The following PCDHA2 variants were observed in gnomAD, a reference collection of about 807,000 sequenced individuals.
The protein encoded by PCDHA2 is protocadherin alpha 2.
Under a neutral mutation model 66.0 loss-of-function variants are expected in PCDHA2, and 58 were observed. The observed-to-expected ratio is 0.88, with a 90% confidence interval of 0.71 to 1.09. The LOEUF (loss-of-function observed/expected upper bound fraction) is 1.09, where lower values mean the gene tolerates loss of function less well. PCDHA2 is among the 50% of genes least tolerant of loss of function. The pLI is 0.00. For synonymous variants in PCDHA2, 634 were observed against 554.0 expected, an observed-to-expected ratio of 1.14 and a Z score of -2.03; for missense variants, 1,267 against 1,242.3, an observed-to-expected ratio of 1.02 and a Z score of -0.30.
At chr5:140,808,156 T>C in intron 1 of PCDHA2, 1 of 1,614,210 alleles carries the variant, frequency 6.2e-7, no homozygotes, top group South Asian at 1.1e-5. Flanking sequence ...TAGAGGGCAT[T>C]GATAAGGGAC....
At chr5:140,883,705 T>G (rs251380) in intron 1 of PCDHA2, 1,065,865 of 1,613,504 alleles carry the variant, frequency 0.66, 353,266 homozygotes, top group Middle Eastern at 0.71. Flanking sequence ...CGGTGTCTGC[T>G]CAGGACGCGG....
intron 1 of PCDHA2, chr5:140,829,839 G>T (rs2150175882): frequency 3.1e-6 from 5 of 1,613,930 alleles, no homozygotes; most frequent in Non-Finnish European, 4.2e-6. Context: ...CTGGTGCCGC[G>T]GTCACTGGGT....
rs782330832 is a variant in PCDHA2, at chr5:140,801,185, G to A, written c.2388+3833G>A. On this transcript the variant is annotated intron_variant, in intron 1 of 3. Coordinates refer to ENST00000526136, the MANE Select transcript of PCDHA2 (RefSeq NM_018905.3). ...CAATGTAAAGGCAATCTAATATTTG[G>A]AAAATACTTGCAATGTTGTTCTCCT... 59 of 1,575,978 alleles carry A rather than the reference G, an allele frequency of 3.7e-5. No homozygotes were observed. The Admixed American group carries it at 8.7e-4, about 23-fold the overall frequency.
chr5:140,916,582 A>G (rs1191941149), intron 1 of PCDHA2, among the ~76,000 whole-genome samples: 7 of 152,188 alleles, frequency 4.6e-5, no homozygotes, highest in Non-Finnish European at 1.0e-4. Flanking sequence ...AATGTCATCC[A>G]TGAGCTAGGG....
rs782729225 is a variant in PCDHA2 at position 140,808,755 on chromosome 5, T to C, written c.2388+11403T>C. On this transcript the variant is annotated intron_variant, in intron 1 of 3. Transcript: ENST00000526136. ...GGCAAGGTGTACGCGCTGCAGCCGC[T>C]GGACCACGAGGAGCTAGAGCTGCTG... is the stretch of plus-strand genomic sequence containing the variant. 113 of 1,612,122 alleles carry C rather than the reference T, an allele frequency of 7.0e-5. 1 individual carries two copies. The South Asian group carries it at 1.0e-3, about 14-fold the overall frequency.
At chr5:140,877,156 G>C (rs1471783281) in intron 1 of PCDHA2, 1 of 1,613,810 alleles carries the variant, frequency 6.2e-7, no homozygotes, top group Non-Finnish European at 8.5e-7. Flanking sequence ...GAACGACAAC[G>C]CGCCGGCACT....
At chr5:140,896,114 G>A (rs1165904850) in intron 1 of PCDHA2, among the ~76,000 whole-genome samples, 1 of 152,030 alleles carries the variant, frequency 6.6e-6, no homozygotes, top group Non-Finnish European at 1.5e-5. Context: ...CCTGGCCAAT[G>A]TACTGCATTT....
In PCDHA2 at chr5:140,809,060, G is replaced by A. The variant is rs782422711; in HGVS notation, c.2388+11708G>A. Reference sequence around the variant, plus strand: ...TGGCGCGCGCATCCCGTTCCGCGTGGGGCTGTACACTGGCGAGATCAGCAC... The same window carrying A: ...TGGCGCGCGCATCCCGTTCCGCGTGAGGCTGTACACTGGCGAGATCAGCAC... On this transcript the variant is annotated intron_variant, in intron 1 of 3. Coordinates refer to ENST00000526136, the MANE Select transcript of PCDHA2 (RefSeq NM_018905.3). The A allele has an allele frequency of 2.5e-6, 4 of 1,613,928 alleles. No homozygotes were observed. In the Admixed American group the frequency reaches 5.0e-5, roughly 20 times the overall value.
intron 1 of PCDHA2, chr5:140,928,062 C>G: frequency 6.2e-7 from 1 of 1,614,194 alleles, no homozygotes; most frequent in Non-Finnish European, 8.5e-7. Context: ...TGACGGCTTC[C>G]TTTGACAACT....
intron 1 of PCDHA2, among the ~76,000 whole-genome samples, chr5:140,935,636 G>A (rs1554210607): frequency 6.6e-6 from 1 of 152,052 alleles, no homozygotes; most frequent in African/African-American, 2.4e-5. Context: ...TTTAGGGCTT[G>A]CTTTTTAAAT....
rs139717033 is a variant in PCDHA2 at position 140,850,329 on chromosome 5, C to A, written c.2388+52977C>A. ...CAACGCGTGGCTTTCATACGAGCTG[C>A]AGCCAGAAACGGCCAGCGCGAGCAT... On this transcript the variant is annotated intron_variant, in intron 1 of 3. Coordinates refer to ENST00000526136, the MANE Select transcript of PCDHA2 (RefSeq NM_018905.3). 510 of 1,597,650 alleles carry A rather than the reference C, an allele frequency of 3.2e-4. 26 individuals are homozygous for A. The African/African-American group carries it at 6.2e-3, about 19-fold the overall frequency.
intron 1 of PCDHA2, among the ~76,000 whole-genome samples, chr5:140,933,853 A>G (rs192647657): frequency 6.6e-6 from 1 of 151,684 alleles, no homozygotes; most frequent in Non-Finnish European, 1.5e-5. Flanking sequence ...TGTACCTTTA[A>G]TTTTTTCAGA....
intron 1 of PCDHA2, chr5:140,882,397 C>T (rs1554173926): frequency 6.2e-7 from 1 of 1,614,190 alleles, no homozygotes; most frequent in South Asian, 1.1e-5. Flanking sequence ...AACACGGCAC[C>T]TTCGTGGGCC....
chr5:140,851,180 A>C lies in PCDHA2; in HGVS notation c.2388+53828A>C, dbSNP rs554158546. 42 of 1,251,052 alleles carry C rather than the reference A, an allele frequency of 3.4e-5. 2 individuals are homozygous for C. In the African/African-American group the frequency reaches 5.9e-4, roughly 18 times the overall value. 77.5% of individuals were successfully genotyped at this position (1,251,052 alleles called of 1,614,324 possible). On this transcript the variant is annotated intron_variant, in intron 1 of 3. Coordinates refer to ENST00000526136, the MANE Select transcript of PCDHA2 (RefSeq NM_018905.3). Reference sequence around the variant, plus strand: ...ATGCTATGCTGCCATAACACTTGAAAACCAATTTAGTTGTTAGTCATTCAT... The same window carrying C: ...ATGCTATGCTGCCATAACACTTGAACACCAATTTAGTTGTTAGTCATTCAT...
At chr5:140,863,304 C>T in intron 1 of PCDHA2, 1 of 1,463,904 alleles carries the variant, frequency 6.8e-7, no homozygotes, top group Non-Finnish European at 9.3e-7. Context: ...TCATCGCCAT[C>T]TGCGTGGTGT....
At chr5:140,842,863 C>A (rs1431713195) in intron 1 of PCDHA2, 4 of 1,593,844 alleles carry the variant, frequency 2.5e-6, no homozygotes, top group African/African-American at 1.3e-5. Context: ...ACACGGAGAG[C>A]GGCAAGGTGT....
chr5:140,841,310 C>T, intron 1 of PCDHA2: 1 of 1,550,948 alleles, frequency 6.4e-7, no homozygotes, highest in South Asian at 1.2e-5. Context: ...TGATAGGAAA[C>T]GACTATTTAA....
chr5:141,003,240 C>T (rs1563674729), intron 3 of PCDHA2, among the ~76,000 whole-genome samples: 2 of 152,150 alleles, frequency 1.3e-5, no homozygotes, highest in South Asian at 4.1e-4. Context: ...GAAATTTTGC[C>T]AAAAAGATTC....
At chr5:140,917,665 T>C (rs1174470921) in intron 1 of PCDHA2, among the ~76,000 whole-genome samples, 4 of 152,220 alleles carry the variant, frequency 2.6e-5, no homozygotes, top group African/African-American at 9.6e-5. Flanking sequence ...AGGAAGTCCT[T>C]TCTCCATTGC....
Sources: allele counts gnomAD v4.1 joint callset (sites outside exome capture counted in the v4.1 genomes callset), GRCh38; gene constraint gnomAD v4.1.1; transcripts MANE v1.5; gene names NCBI Gene and HGNC (gene_info 2026-07-23, HGNC 2026-07-21).